Variants in TRIM24 observed in about 807,000 individuals in gnomAD.
The protein encoded by TRIM24 is transcription intermediary factor 1-alpha.
A neutral mutation model predicts 123.9 loss-of-function variants in TRIM24; 29 were observed. The ratio of observed to expected loss-of-function variants is 0.23; its 90% CI spans 0.17 to 0.32. The LOEUF is 0.32. Among genes scored for constraint, TRIM24 ranks in the 10% least tolerant of loss-of-function variants. The pLI is 1.00. For synonymous variants in TRIM24, 456 were observed against 461.1 expected (o/e 0.99, Z 0.14); for missense variants, 932 against 1,295.3 (o/e 0.72, Z 4.31).
At chr7:138,571,981 C>T (rs1021434296) in intron 11 of TRIM24, among the ~76,000 whole-genome samples, 1 of 152,110 alleles carries the variant, frequency 6.6e-6, no homozygotes, top group African/African-American at 2.4e-5. Flanking sequence ...AACCTACTGT[C>T]GTGCACATAT....
chr7:138,461,017 C>T (rs1296170079), intron 1 of TRIM24, 105 bp downstream of exon 1: 1 of 1,077,402 alleles, frequency 9.3e-7, no homozygotes, highest in Non-Finnish European at 1.2e-6. Flanking sequence ...GCCCGGGGTG[C>T]GCGGCGGGGG....
rs559060918 is a variant in TRIM24 at position 138,480,784 on chromosome 7, A to ATC, written c.364+19873_364+19874dup. ...TAGATGTTCACTAACATTTTGTATT[A>ATC]TCAATCTTTTTATTTTTTGGCAACC... On this transcript the variant is annotated intron_variant, in intron 1 of 18. Coordinates refer to ENST00000343526, the MANE Select transcript of TRIM24 (RefSeq NM_015905.3). Among the ~76,000 whole-genome samples, 70 of 152,194 alleles carry ATC rather than the reference A, an allele frequency of 4.6e-4. No individual in the cohort carries two copies. In the East Asian group the frequency reaches 0.012, roughly 25 times the overall value.
chr7:138,473,119 A>G (rs1290021392), intron 1 of TRIM24, among the ~76,000 whole-genome samples: 1 of 152,068 alleles, frequency 6.6e-6, no homozygotes, highest in Non-Finnish European at 1.5e-5. Context: ...GTCTCTACTA[A>G]AATTACAAAA....
In TRIM24 at chr7:138,515,220, A is replaced by C. The variant is rs1044884465; in HGVS notation, c.492A>C (p.Thr164=). 9.3e-6 allele frequency: 15 copies of C among 1,611,860 alleles called. No homozygotes were observed. The highest frequency in any genetic ancestry group is 7.7e-5 in the South Asian group (7 of 90,834). ...CATGGTTCTTTTGTCAGGTATGTACAAGCTGTGAGGACAACGCAGAAGCCA... is the reference window on the plus strand; with the variant it reads ...CATGGTTCTTTTGTCAGGTATGTACCAGCTGTGAGGACAACGCAGAAGCCA... ...STVEKSNQVC[T]SCEDNAEANG... Residue 164 remains threonine, a synonymous_variant, in exon 3 of 19, where the codon ACA becomes ACC. Coordinates refer to ENST00000343526, the MANE Select transcript of TRIM24 (RefSeq NM_015905.3).
chr7:138,539,164 A>G (rs1796951304), intron 7 of TRIM24, among the ~76,000 whole-genome samples: 1 of 152,080 alleles, frequency 6.6e-6, no homozygotes, highest in Non-Finnish European at 1.5e-5. Context: ...TATGAGATAT[A>G]CCTATTCACC....
At chr7:138,576,926 A>C (rs2116683145) in intron 13 of TRIM24, among the ~76,000 whole-genome samples, 1 of 152,316 alleles carries the variant, frequency 6.6e-6, no homozygotes, top group East Asian at 1.9e-4. Context: ...TTACTTTATC[A>C]TATGGAAGAA....
chr7:138,484,004 C>T (rs920253012), intron 1 of TRIM24, among the ~76,000 whole-genome samples: 8 of 152,174 alleles, frequency 5.3e-5, no homozygotes, highest in African/African-American at 1.7e-4. Flanking sequence ...AGAATCAAGG[C>T]AGTACATAAT....
chr7:138,461,643 T>C (rs1212206433), intron 1 of TRIM24, among the ~76,000 whole-genome samples: 3 of 152,360 alleles, frequency 2.0e-5, no homozygotes, highest in East Asian at 3.9e-4. Flanking sequence ...TTTGTGGTGT[T>C]TATTACTGTA....
intron 1 of TRIM24, 100 bp downstream of exon 1, chr7:138,461,012 G>T: frequency 9.0e-7 from 1 of 1,114,506 alleles, no homozygotes; most frequent in South Asian, 1.9e-5. Flanking sequence ...CCGCCGCCCG[G>T]GGTGCGCGGC....
chr7:138,472,564 G>A (rs1795294590), intron 1 of TRIM24, among the ~76,000 whole-genome samples: 1 of 152,148 alleles, frequency 6.6e-6, no homozygotes, highest in East Asian at 1.9e-4. Context: ...TGAGAAGGGA[G>A]TTTTGAAGTT....
chr7:138,503,381 A>C (rs75583597), intron 1 of TRIM24, among the ~76,000 whole-genome samples: 5,813 of 151,986 alleles, frequency 0.038, 150 homozygotes, highest in Middle Eastern at 0.088. Flanking sequence ...ATAGCTTAAT[A>C]TTTTCCTGCA....
rs1442945072 is a variant in TRIM24, at chr7:138,587,272, G to C, written c.*2321G>C. 1.3e-5 allele frequency: 2 copies of C among 152,196 alleles called. No individual in the cohort carries two copies. The highest frequency in any genetic ancestry group is 2.9e-5 in the Non-Finnish European group (2 of 68,052). 9.4% of individuals were successfully genotyped at this position (152,196 alleles called of 1,614,324 possible). A position where few individuals can be genotyped will look rare whatever the true frequency, so the allele number is the denominator to read the frequency against. On this transcript the variant is annotated 3_prime_UTR_variant, in exon 19 of 19. Coordinates refer to ENST00000343526, the MANE Select transcript of TRIM24 (RefSeq NM_015905.3). Reference sequence around the variant, plus strand: ...GGAGGCTGAGACAGGAGAATCACTTGAACGCAGGAGGCAGAAGTTGCAGTG... The same window carrying C: ...GGAGGCTGAGACAGGAGAATCACTTCAACGCAGGAGGCAGAAGTTGCAGTG...
chr7:138,508,686 T>TGTGC (rs1563038706), intron 2 of TRIM24, among the ~76,000 whole-genome samples: 93 of 86,006 alleles, frequency 1.1e-3, no homozygotes, highest in African/African-American at 4.4e-3. Flanking sequence ...TGTGTGTGTG[T>TGTGC]GTGTGTGCGC....
In TRIM24 at chr7:138,570,823, A is replaced by C. The variant is rs1317944072; in HGVS notation, c.1705-7A>C. The C allele has an allele frequency of 6.2e-7, 1 of 1,613,324 alleles. No homozygotes were observed. The highest frequency in any genetic ancestry group is 1.1e-5 in the South Asian group (1 of 90,966). ...TAGCCTTTGTTCTTCTCTTCTTGTTACTGTAGTGGCAGATCAGCAGTGGAC... is the reference window on the plus strand; with the variant it reads ...TAGCCTTTGTTCTTCTCTTCTTGTTCCTGTAGTGGCAGATCAGCAGTGGAC... On this transcript the variant is annotated splice_region_variant and splice_polypyrimidine_tract_variant and intron_variant, in intron 10 of 18. Transcript: ENST00000343526.
intron 8 of TRIM24, among the ~76,000 whole-genome samples, chr7:138,551,914 A>G (rs576612188): frequency 6.6e-6 from 1 of 152,290 alleles, no homozygotes; most frequent in Admixed American, 6.5e-5. Flanking sequence ...AGTTATATAG[A>G]TATCTTACTA....
chr7:138,562,572 C>G (rs1584740111), intron 9 of TRIM24, among the ~76,000 whole-genome samples: 1 of 152,154 alleles, frequency 6.6e-6, no homozygotes, highest in African/African-American at 2.4e-5. Context: ...GTCGCTCACT[C>G]TAAGTGTTTG....
At chr7:138,500,614 C>G (rs78475936) in intron 1 of TRIM24, among the ~76,000 whole-genome samples, 3,064 of 150,504 alleles carry the variant, frequency 0.02, 98 homozygotes, top group African/African-American at 0.071. Flanking sequence ...TGGCTTATGC[C>G]TGTAATCACA....
intron 4 of TRIM24, among the ~76,000 whole-genome samples, chr7:138,523,272 T>A (rs1796540160): frequency 6.6e-6 from 1 of 152,174 alleles, no homozygotes; most frequent in Non-Finnish European, 1.5e-5. Flanking sequence ...AGGATATCTG[T>A]CAATAATAAT....
Position 138,460,568 on chromosome 7 carries a change from A to AGGCGGT in TRIM24, c.26_31dup (p.Val9_Ala10dup). On this transcript the variant is annotated inframe_insertion, in exon 1 of 19. Transcript: ENST00000343526. ...AGGACAATGGAGGTGGCGGTGGAGA[A>AGGCGGT]GGCGGTGGCGGCGGCGGCAGCGGCC... is the stretch of plus-strand genomic sequence containing the variant. 7.6e-7 allele frequency: 1 copy of AGGCGGT among 1,310,880 alleles called. No individual in the cohort carries two copies. The highest frequency in any genetic ancestry group is 3.1e-5 in the East Asian group (1 of 32,302). The allele number at this position is 1,310,880 out of a possible 1,614,324, so 81.2% of individuals were successfully genotyped here.
Sources: gnomAD v4.1 joint callset for allele counts (sites outside exome capture counted in the v4.1 genomes callset) on GRCh38, gnomAD v4.1.1 for gene constraint, MANE v1.5 for transcripts, NCBI Gene and HGNC (gene_info 2026-07-23, HGNC 2026-07-21) for gene names.